The following TAFA5 variants were observed in gnomAD, a reference collection of about 807,000 sequenced individuals.
TAFA5 encodes the protein chemokine-like protein TAFA-5.
TAFA5 carries 6 observed loss-of-function variants against 15.3 expected under a neutral mutation model. The observed-to-expected ratio is 0.39, with a 90% confidence interval of 0.21 to 0.77. The LOEUF (loss-of-function observed/expected upper bound fraction) is 0.77, where lower values mean the gene tolerates loss of function less well. Among genes scored for constraint, TAFA5 ranks in the 30% least tolerant of loss-of-function variants. The probability of loss-of-function intolerance (pLI) is 0.41; values close to 1 mark genes in which losing one functional copy is unlikely to be tolerated. For synonymous variants in TAFA5, 103 were observed against 80.7 expected (o/e 1.28, Z -1.48); for missense variants, 161 against 193.1 (o/e 0.83, Z 0.98).
chr22:48,595,686 C>T lies in TAFA5; in HGVS notation c.113-50911C>T, dbSNP rs114805602. Among the ~76,000 whole-genome samples the T allele has an allele frequency of 8.2e-3, 1,243 of 152,384 alleles. 13 individuals are homozygous for T. The highest frequency in any genetic ancestry group is 0.026 in the African/African-American group (1,065 of 41,592). ...TCAGGCTGCAGGGGACGGGGTGCCTCTGGGGACTGGCTCCCAGCAGCCCTG... is the reference window on the plus strand; with the variant it reads ...TCAGGCTGCAGGGGACGGGGTGCCTTTGGGGACTGGCTCCCAGCAGCCCTG... On this transcript the variant is annotated intron_variant, in intron 1 of 3. Coordinates refer to ENST00000402357, the MANE Select transcript of TAFA5 (RefSeq NM_001082967.3).
At chr22:48,743,336 C>G (rs1231946311) in intron 3 of TAFA5, among the ~76,000 whole-genome samples, 3 of 152,228 alleles carry the variant, frequency 2.0e-5, no homozygotes, top group African/African-American at 7.2e-5. Flanking sequence ...TGGCTCCCGC[C>G]TCTGTCTCTG....
intron 3 of TAFA5, among the ~76,000 whole-genome samples, chr22:48,738,704 C>G (rs1930099492): frequency 6.6e-6 from 1 of 152,208 alleles, no homozygotes; most frequent in Admixed American, 6.5e-5. Flanking sequence ...AGCCAACATT[C>G]CCCGGGCAGG....
intron 1 of TAFA5, among the ~76,000 whole-genome samples, chr22:48,501,641 G>GC (rs992681936): frequency 1.1e-4 from 16 of 152,212 alleles, no homozygotes; most frequent in Non-Finnish European, 2.1e-4. Context: ...GGCCTCACGG[G>GC]CCCCAGGGAA....
intron 1 of TAFA5, among the ~76,000 whole-genome samples, chr22:48,514,978 C>T (rs1318624044): frequency 6.6e-6 from 1 of 152,262 alleles, no homozygotes; most frequent in Admixed American, 6.5e-5. Flanking sequence ...GCACGGGCCT[C>T]CCAGCCAGCA....
intron 1 of TAFA5, among the ~76,000 whole-genome samples, chr22:48,633,518 CTGTCTGTCTG>C (rs1179669558): frequency 0.02 from 1,898 of 94,946 alleles, 42 homozygotes; most frequent in African/African-American, 0.079. Flanking sequence ...GTCTGTCTGT[CTGTCTGTCTG>C]TCTGTCTCTC....
chr22:48,625,424 C>T (rs1925994432), intron 1 of TAFA5, among the ~76,000 whole-genome samples: 1 of 152,206 alleles, frequency 6.6e-6, no homozygotes, highest in African/African-American at 2.4e-5. Flanking sequence ...AGGAACTGGC[C>T]CCCACTGGCC....
intron 1 of TAFA5, among the ~76,000 whole-genome samples, chr22:48,542,661 G>GTGGTGTGTGTGTGGT (rs1366596165): frequency 7.7e-6 from 1 of 130,454 alleles, no homozygotes; most frequent in Non-Finnish European, 1.6e-5. Context: ...GTGTGTGTGT[G>GTGGTGTGTGTGTGGT]GTGTGTGTGT....
At chr22:48,618,502 G>A (rs34682005) in intron 1 of TAFA5, among the ~76,000 whole-genome samples, 9 of 152,204 alleles carry the variant, frequency 5.9e-5, no homozygotes, top group Admixed American at 1.3e-4. Context: ...GTTGGGTAAC[G>A]GATTGGCGTT....
At chr22:48,623,076 G>A (rs984333900) in intron 1 of TAFA5, among the ~76,000 whole-genome samples, 6 of 152,236 alleles carry the variant, frequency 3.9e-5, no homozygotes, top group Admixed American at 3.3e-4. Flanking sequence ...CGGCCCTGCA[G>A]CAATGTGTTC....
chr22:48,558,578 G>A (rs1923118606), intron 1 of TAFA5, among the ~76,000 whole-genome samples: 1 of 152,198 alleles, frequency 6.6e-6, no homozygotes, highest in South Asian at 2.1e-4. Context: ...GGCCTCAGGA[G>A]CCGTGGTCTG....
intron 1 of TAFA5, among the ~76,000 whole-genome samples, chr22:48,518,989 G>T (rs1180511883): frequency 6.6e-6 from 1 of 152,124 alleles, no homozygotes; most frequent in South Asian, 2.1e-4. Context: ...ACCCTGGAGG[G>T]AGGGCTCACG....
chr22:48,622,784 C>A (rs1925886718), intron 1 of TAFA5, among the ~76,000 whole-genome samples: 1 of 152,224 alleles, frequency 6.6e-6, no homozygotes, highest in Non-Finnish European at 1.5e-5. Flanking sequence ...TGCCAGCAGA[C>A]AGGCCCCTCG....
chr22:48,720,864 AG>A (rs922923482), intron 3 of TAFA5, among the ~76,000 whole-genome samples: 3 of 152,266 alleles, frequency 2.0e-5, no homozygotes, highest in African/African-American at 7.2e-5. Context: ...ATGCCCTGGA[AG>A]GGCTCCACGT....
At chr22:48,571,574 GTTTTTTTTTTTTT>G (rs57578802) in intron 1 of TAFA5, among the ~76,000 whole-genome samples, 1,321 of 29,238 alleles carry the variant, frequency 0.045, 16 homozygotes, top group African/African-American at 0.14. Flanking sequence ...TGCCTGGCCT[GTTTTTTTTTTTTT>G]TTTTTTTTTT....
intron 3 of TAFA5, among the ~76,000 whole-genome samples, chr22:48,737,469 G>T (rs899262975): frequency 6.6e-6 from 1 of 152,198 alleles, no homozygotes; most frequent in Admixed American, 6.5e-5. Flanking sequence ...ACTGAATGAG[G>T]CTGTGGAGCT....
At chr22:48,670,238 T>C (rs998937377) in intron 2 of TAFA5, among the ~76,000 whole-genome samples, 1 of 152,260 alleles carries the variant, frequency 6.6e-6, no homozygotes, top group African/African-American at 2.4e-5. Context: ...CCCTCCTTAA[T>C]GGTGGTTTTT....
intron 1 of TAFA5, among the ~76,000 whole-genome samples, chr22:48,497,847 G>A (rs1383130813): frequency 1.6e-5 from 1 of 62,778 alleles, no homozygotes; most frequent in Non-Finnish European, 3.4e-5. Flanking sequence ...AATCCTGGGG[G>A]CGGGGCTGGA....
chr22:48,638,365 CG>C, intron 1 of TAFA5, among the ~76,000 whole-genome samples: 1 of 86,566 alleles, frequency 1.2e-5, no homozygotes, highest in African/African-American at 5.1e-5. Flanking sequence ...ACCCCCCCCC[CG>C]ACACTAAGCC....
At position 48,490,682 on chromosome 22, in the gene TAFA5, T is replaced by C. The variant is rs1928118703; in HGVS notation, c.112+978T>C. Among the ~76,000 whole-genome samples, 1 of 151,350 alleles carries C rather than the reference T, an allele frequency of 6.6e-6. No individual in the cohort carries two copies. Among genetic ancestry groups the C allele is most frequent in the Admixed American group, 6.6e-5 (1 of 15,234 alleles). On this transcript the variant is annotated intron_variant, in intron 1 of 3. Coordinates refer to ENST00000402357, the MANE Select transcript of TAFA5 (RefSeq NM_001082967.3). The surrounding 1 kb of genome is among the most constrained non-coding windows in gnomAD (Gnocchi z 5.8). ...TTCAGCTCCGGGAGCTCCGGGCTTC[T>C]TGTCTTCAGCGGGAGAATAGGACGG... is the stretch of plus-strand genomic sequence containing the variant.
Sources: gnomAD v4.1 joint callset for allele counts (sites outside exome capture counted in the v4.1 genomes callset) on GRCh38, gnomAD v4.1.1 for gene constraint, Gnocchi (gnomAD v3.1) non-coding constraint, MANE v1.5 for transcripts, NCBI Gene and HGNC (gene_info 2026-07-23, HGNC 2026-07-21) for gene names.